AK5: variants seen among roughly 807,000 people sequenced by gnomAD.
AK5 encodes the protein adenylate kinase 5, also known as adenylate kinase isoenzyme 5.
AK5 carries 27 observed loss-of-function variants against 69.5 expected under a neutral mutation model. That is an observed-to-expected ratio of 0.39 (90% CI 0.29 to 0.54). The LOEUF is 0.54. Ranked by LOEUF, AK5 falls within the 20% of genes least tolerant of loss-of-function variation. The pLI, the probability that AK5 is intolerant of heterozygous loss-of-function variation, is 0.71. For missense variants in AK5, 531 were observed against 700.4 expected, an observed-to-expected ratio of 0.76 and a Z score of 2.73; for synonymous variants, 260 against 244.4, an observed-to-expected ratio of 1.06 and a Z score of -0.60.
chr1:77,368,229 A>ATGT (rs1647037287), intron 6 of AK5, among the ~76,000 whole-genome samples: 3 of 26,630 alleles, frequency 1.1e-4, no homozygotes, highest in African/African-American at 3.2e-4. Context: ...ATATATATAT[A>ATGT]TATATATATA....
chr1:77,299,516 A>G (rs1293950531), intron 5 of AK5, among the ~76,000 whole-genome samples: 6 of 152,148 alleles, frequency 3.9e-5, no homozygotes, highest in African/African-American at 1.4e-4. Context: ...CTATTGTGCT[A>G]GAATGTCTGC....
intron 10 of AK5, among the ~76,000 whole-genome samples, chr1:77,504,099 C>A (rs1296332117): frequency 6.6e-6 from 1 of 152,150 alleles, no homozygotes; most frequent in Non-Finnish European, 1.5e-5. Context: ...TCCTCAAGAG[C>A]AGAGTGCTAT....
At chr1:77,382,529 T>G (rs1647718105) in intron 6 of AK5, among the ~76,000 whole-genome samples, 1 of 152,162 alleles carries the variant, frequency 6.6e-6, no homozygotes, top group Non-Finnish European at 1.5e-5. Context: ...TTTTAATTTT[T>G]TATAGAGAGA....
chr1:77,541,607 A>G (rs1019375940), intron 13 of AK5, among the ~76,000 whole-genome samples: 1 of 152,184 alleles, frequency 6.6e-6, no homozygotes, highest in Non-Finnish European at 1.5e-5. Context: ...CTAACCTGAA[A>G]CACAGAACTT....
chr1:77,345,515 G>A (rs1661870638), intron 6 of AK5, among the ~76,000 whole-genome samples: 1 of 152,168 alleles, frequency 6.6e-6, no homozygotes. Flanking sequence ...AAGTAGGGGT[G>A]AGATGACTTT....
At chr1:77,475,397 TAATATATATG>T (rs1322486079) in intron 8 of AK5, among the ~76,000 whole-genome samples, 1 of 9,330 alleles carries the variant, frequency 1.1e-4, no homozygotes, top group East Asian at 9.1e-3. Context: ...TGTATATATA[TAATATATATG>T]TATATATATA....
chr1:77,444,070 T>C (rs192969485), intron 8 of AK5, among the ~76,000 whole-genome samples: 14 of 150,648 alleles, frequency 9.3e-5, no homozygotes, highest in Non-Finnish European at 1.9e-4. Flanking sequence ...TGCTACTTTG[T>C]ATCCTTTGAC....
intron 8 of AK5, among the ~76,000 whole-genome samples, chr1:77,478,465 G>A (rs894029027): frequency 6.6e-6 from 1 of 152,154 alleles, no homozygotes; most frequent in Admixed American, 6.5e-5. Context: ...CTTGCCTGCT[G>A]CCATCCACAT....
chr1:77,548,281 A>G (rs1035819040), intron 13 of AK5, among the ~76,000 whole-genome samples: 34 of 152,274 alleles, frequency 2.2e-4, no homozygotes, highest in African/African-American at 8.2e-4. Flanking sequence ...TATGGCTTTG[A>G]TAACGAGGAG....
At position 77,297,920 on chromosome 1, in the gene AK5, T is replaced by G. The variant is rs1197620421; in HGVS notation, c.672T>G (p.Val224=). ...TTATTGATGGATTTCCAAGAGATGTTGCCCAGGCTCTATCTTTTGAGGACC... is the reference window on the plus strand; with the variant it reads ...TTATTGATGGATTTCCAAGAGATGTGGCCCAGGCTCTATCTTTTGAGGACC... ...GIVIDGFPRD[V]AQALSFEDQI... is the part of the protein sequence containing the mutation. Residue 224 remains valine (V), a synonymous_variant, in exon 5 of 14, where the codon GTT becomes GTG. Coordinates refer to ENST00000354567, the MANE Select transcript of AK5 (RefSeq NM_174858.3). The G allele has an allele frequency of 6.2e-7, 1 of 1,612,830 alleles. No homozygotes were observed. The highest frequency in any genetic ancestry group is 8.5e-7 in the Non-Finnish European group (1 of 1,179,554).
At chr1:77,459,041 T>A (rs1268255952) in intron 8 of AK5, among the ~76,000 whole-genome samples, 1 of 152,164 alleles carries the variant, frequency 6.6e-6, no homozygotes, top group African/African-American at 2.4e-5. Context: ...GGTTGCCACA[T>A]AAGCACATTT....
At chr1:77,490,652 C>T (rs1410078715) in intron 10 of AK5, among the ~76,000 whole-genome samples, 2 of 152,092 alleles carry the variant, frequency 1.3e-5, no homozygotes, top group Non-Finnish European at 2.9e-5. Context: ...AAGACAGGAG[C>T]TCAATCACTT....
intron 6 of AK5, among the ~76,000 whole-genome samples, chr1:77,352,669 C>T (rs1307557861): frequency 6.6e-6 from 1 of 152,126 alleles, no homozygotes; most frequent in Non-Finnish European, 1.5e-5. Flanking sequence ...GCACAAACAG[C>T]GACTGATAAA....
At chr1:77,537,381 A>G (rs1022808295) in intron 13 of AK5, among the ~76,000 whole-genome samples, 3 of 152,188 alleles carry the variant, frequency 2.0e-5, no homozygotes, top group Non-Finnish European at 4.4e-5. Context: ...GATCATATGT[A>G]GGAGCAAATA....
intron 7 of AK5, among the ~76,000 whole-genome samples, chr1:77,413,653 A>G (rs865863434): frequency 2.0e-5 from 3 of 152,200 alleles, no homozygotes; most frequent in Non-Finnish European, 4.4e-5. Context: ...TCTGAAAAAT[A>G]AATGGTTTCT....
At chr1:77,553,742 TTA>T (rs1413278221) in intron 13 of AK5, among the ~76,000 whole-genome samples, 20 of 152,164 alleles carry the variant, frequency 1.3e-4, no homozygotes, top group Non-Finnish European at 2.5e-4. Flanking sequence ...GTTTGTGGAT[TTA>T]CACCTTCTTA....
At chr1:77,377,457 G>A (rs1420647088) in intron 6 of AK5, among the ~76,000 whole-genome samples, 4 of 152,118 alleles carry the variant, frequency 2.6e-5, no homozygotes, top group Non-Finnish European at 4.4e-5. Flanking sequence ...CTCCTCATTA[G>A]TCCTGCTGCC....
chr1:77,537,038 G>A (rs1485457700), intron 13 of AK5, among the ~76,000 whole-genome samples: 1 of 152,152 alleles, frequency 6.6e-6, no homozygotes, highest in Non-Finnish European at 1.5e-5. Flanking sequence ...TGGTTTGGAT[G>A]CAAATAAATA....
intron 12 of AK5, among the ~76,000 whole-genome samples, chr1:77,534,062 C>A (rs1475528388): frequency 6.6e-6 from 1 of 152,096 alleles, no homozygotes; most frequent in Non-Finnish European, 1.5e-5. Flanking sequence ...TTAAAGTACA[C>A]CCCTCAGAGG....
Sources: allele counts gnomAD v4.1 joint callset (sites outside exome capture counted in the v4.1 genomes callset), GRCh38; gene constraint gnomAD v4.1.1; transcripts MANE v1.5; gene names NCBI Gene and HGNC (gene_info 2026-07-23, HGNC 2026-07-21).